SHPRH: variants seen among roughly 807,000 people sequenced by gnomAD.
SHPRH encodes the protein E3 ubiquitin-protein ligase SHPRH.
A neutral mutation model predicts 202.5 loss-of-function variants in SHPRH; 106 were observed. That is an observed-to-expected ratio of 0.52 (90% CI 0.45 to 0.62). The LOEUF is 0.62. Ranked by LOEUF, SHPRH falls within the 20% of genes least tolerant of loss-of-function variation. The pLI, the probability that SHPRH is intolerant of heterozygous loss-of-function variation, is 0.00. For synonymous variants in SHPRH, 729 were observed against 686.0 expected (o/e 1.06, Z -0.98); for missense variants, 1,710 against 2,020.0 (o/e 0.85, Z 2.94).
intron 2 of SHPRH, among the ~76,000 whole-genome samples, chr6:145,869,102 CTT>C (rs1344818533): frequency 1.2e-4 from 19 of 152,262 alleles, no homozygotes; most frequent in Non-Finnish European, 1.5e-5. Context: ...GTATCAATAT[CTT>C]GTTTCAATCT....
rs1319491878 is a variant in SHPRH, at chr6:145,941,605, T to C, written c.2490+18A>G. 1 of 1,611,554 alleles carries C rather than the reference T, an allele frequency of 6.2e-7. No homozygotes were observed. Among genetic ancestry groups the C allele is most frequent in the Admixed American group, 1.7e-5 (1 of 59,848 alleles). The stretch of plus-strand genomic sequence containing the variant: ...CCCTTCTTCCCCAGCCCTCAAAAGA[T>C]TTTGCAGAAACTCTCACTTTTACTG... On this transcript the variant is annotated intron_variant, in intron 10 of 29. Coordinates refer to ENST00000275233, the MANE Select transcript of SHPRH (RefSeq NM_001042683.3).
Position 145,888,006 on chromosome 6 carries a change from AAATT to A in SHPRH, c.4955+10_4955+13del, listed in dbSNP as rs747652643. 3 of 1,594,316 alleles carry A rather than the reference AAATT, an allele frequency of 1.9e-6. No homozygotes were observed. In the Admixed American group the frequency reaches 5.0e-5, roughly 27 times the overall value. On this transcript the variant is annotated intron_variant, in intron 29 of 29. Transcript: ENST00000275233. ...AAACCTTCCCCCTTCTACTTGTGGT[AAATT>A]ATTACCTACCTTCTCTCAGCAGTTT...
At chr6:145,909,403 CTG>C (rs1783282076) in intron 25 of SHPRH, 1 of 152,038 alleles carries the variant, frequency 6.6e-6, no homozygotes, top group African/African-American at 2.4e-5. Context: ...CTTATTCTAA[CTG>C]TGGAATTCTG....
downstream of SHPRH, among the ~76,000 whole-genome samples, chr6:145,863,446 T>C (rs17075411): frequency 4.2e-3 from 636 of 152,368 alleles, 18 homozygotes; most frequent in East Asian, 0.071. Context: ...TTAAGTTGCA[T>C]AGCTCCTTCA....
rs1780864493 is a variant in SHPRH at position 145,884,898 on chromosome 6, ATATG to A, written c.*1789_*1792del. The A allele has an allele frequency of 6.6e-6, 1 of 152,174 alleles. No individual in the cohort carries two copies. Among genetic ancestry groups the A allele is most frequent in the Non-Finnish European group, 1.5e-5 (1 of 68,024 alleles). The allele number at this position is 152,174 out of a possible 1,614,324, so 9.4% of individuals were successfully genotyped here. The stretch of plus-strand genomic sequence containing the variant: ...CTAATACAGATAGGTTTTTTTATAT[ATATG>A]TAATTTGATTTTACAAAATTGAAGC... On this transcript the variant is annotated 3_prime_UTR_variant, in exon 30 of 30. Transcript: ENST00000275233.
chr6:145,935,502 A>C, intron 11 of SHPRH, 61 bp from the exon 12 acceptor site: 1 of 1,539,842 alleles, frequency 6.5e-7, no homozygotes, highest in Non-Finnish European at 8.8e-7. Context: ...TAGTTTGCAG[A>C]AGCTTTTCTA....
intron 3 of SHPRH, among the ~76,000 whole-genome samples, chr6:145,951,137 C>T (rs1787930418): frequency 6.6e-6 from 1 of 152,028 alleles, no homozygotes; most frequent in African/African-American, 2.4e-5. Context: ...ACTAAGTTCA[C>T]TTGGTGGGCA....
At chr6:145,942,233 A>T (rs892406598) in intron 9 of SHPRH, among the ~76,000 whole-genome samples, 1 of 152,220 alleles carries the variant, frequency 6.6e-6, no homozygotes, top group African/African-American at 2.4e-5. Flanking sequence ...AATCAATAGC[A>T]TATGTGAAAG....
chr6:145,946,330 C>G lies in SHPRH; in HGVS notation c.1224G>C (p.Val408=), dbSNP rs778882585. The G allele has an allele frequency of 1.2e-6, 2 of 1,602,004 alleles. No homozygotes were observed. The highest frequency in any genetic ancestry group is 1.7e-4 in the Middle Eastern group (1 of 6,012). The stretch of plus-strand genomic sequence containing the variant: ...AATAATGTGACGGAATAAAATAATT[C>G]ACCACTTTTCCCTGATACAAACAAC... ...DALTLPEGKV[V]NYFIPSHYFG... Residue 408 remains valine, a synonymous_variant, in exon 7 of 30, where the codon GTG becomes GTC. Transcript: ENST00000275233.
rs1419759194 is a variant in SHPRH, at chr6:145,923,798, T to C, written c.3403-13A>G. The C allele has an allele frequency of 5.6e-6, 9 of 1,605,574 alleles. No homozygotes were observed. Among genetic ancestry groups the C allele is most frequent in the Non-Finnish European group, 6.8e-6 (8 of 1,175,584 alleles). The stretch of plus-strand genomic sequence containing the variant: ...AATTAGAATGAATCTGTAAAAAAGG[T>C]AGCAGTTAATCAATTAATACATTTT... On this transcript the variant is annotated splice_polypyrimidine_tract_variant and intron_variant, in intron 17 of 29. Coordinates refer to ENST00000275233, the MANE Select transcript of SHPRH (RefSeq NM_001042683.3).
At chr6:145,956,459 C>T (rs898542871) in intron 1 of SHPRH, among the ~76,000 whole-genome samples, 2 of 151,824 alleles carry the variant, frequency 1.3e-5, no homozygotes, top group Non-Finnish European at 2.9e-5. Context: ...AGCTCTAAAC[C>T]CAGCAAAATA....
intron 14 of SHPRH, among the ~76,000 whole-genome samples, chr6:145,932,839 T>C (rs1444177192): frequency 7.8e-6 from 1 of 128,326 alleles, no homozygotes; most frequent in Admixed American, 7.9e-5. Context: ...AAAATGGAAA[T>C]GTTTGGTTAA....
At chr6:145,921,770 A>T (rs181616183) in intron 20 of SHPRH, among the ~76,000 whole-genome samples, 3 of 152,038 alleles carry the variant, frequency 2.0e-5, no homozygotes, top group African/African-American at 7.2e-5. Context: ...TTCAGTAATA[A>T]CAGAAAAAGA....
chr6:145,935,175 AG>A lies in SHPRH; in HGVS notation c.2734-13del. 2 of 1,595,102 alleles carry A rather than the reference AG, an allele frequency of 1.3e-6. No homozygotes were observed. The highest frequency in any genetic ancestry group is 3.6e-5 in the Admixed American group (2 of 55,714). On this transcript the variant is annotated splice_polypyrimidine_tract_variant and intron_variant, in intron 12 of 29. Transcript: ENST00000275233. ...GGTGGTATTTGGATCTGTGAAAAGG[AG>A]CAGAAAAAAAAAAAAAGATATCATC... is the stretch of plus-strand genomic sequence containing the variant.
At chr6:145,927,391 T>C (rs1435989856) in intron 14 of SHPRH, 114 bp from the exon 15 acceptor site, 1 of 944,966 alleles carries the variant, frequency 1.1e-6, no homozygotes, top group Non-Finnish European at 1.5e-6. Flanking sequence ...TGATTATAAC[T>C]TTTTTTAAGT....
chr6:145,911,685 T>G lies in SHPRH; in HGVS notation c.4327-1049A>C, dbSNP rs140705831. Among the ~76,000 whole-genome samples, 271 of 151,714 alleles carry G rather than the reference T, an allele frequency of 1.8e-3. 1 individual carries two copies. The highest frequency in any genetic ancestry group is 6.3e-3 in the African/African-American group (263 of 41,544). ...TCTAAATCCTTAAGCTATGTTTTTT[T>G]TAAGATTTGGACATGTATGGAAAGA... On this transcript the variant is annotated intron_variant, in intron 24 of 29. Transcript: ENST00000275233.
chr6:145,926,130 G>C, intron 16 of SHPRH, 74 bp downstream of exon 16: 1 of 1,256,334 alleles, frequency 8.0e-7, no homozygotes, highest in South Asian at 1.2e-5. Flanking sequence ...GTATGTCCTA[G>C]GATATATCAA....
At position 145,945,520 on chromosome 6, in the gene SHPRH, C is replaced by T. The variant is rs1344663856; in HGVS notation, c.1439G>A (p.Arg480Lys). The T allele has an allele frequency of 6.2e-7, 1 of 1,613,190 alleles. No homozygotes were observed. Among genetic ancestry groups the T allele is most frequent in the African/African-American group, 1.3e-5 (1 of 74,856 alleles). The change falls in exon 8 of 30, where the codon AGG becomes AAG. Residue 480 changes from arginine to lysine, a missense_variant. Physicochemically the swap from Arg to Lys is conservative, Grantham distance 26. Transcript: ENST00000275233. ...SIYRYDVQRN[R>K]SLLKRMLKCL... Reference sequence around the variant, plus strand: ...TTTCAGCATCCGTTTCAAAAGACTCCTGTTCCGTTGAACATCGTATCTATA... The same window carrying T: ...TTTCAGCATCCGTTTCAAAAGACTCTTGTTCCGTTGAACATCGTATCTATA...
At chr6:145,864,264 T>C in exon 3 of SHPRH, 1 of 233,816 alleles carries the variant, frequency 4.3e-6, no homozygotes, top group Non-Finnish European at 9.3e-6. Flanking sequence ...TTAATGTTTA[T>C]TCCTTACAGA....
Sources: gnomAD v4.1 joint callset for allele counts (sites outside exome capture counted in the v4.1 genomes callset) on GRCh38, gnomAD v4.1.1 for gene constraint, MANE v1.5 for transcripts, NCBI Gene and HGNC (gene_info 2026-07-23, HGNC 2026-07-21) for gene names.